CTNNA3: variants seen among roughly 807,000 people sequenced by gnomAD.
CTNNA3 encodes the protein catenin alpha-3.
A neutral mutation model predicts 95.7 loss-of-function variants in CTNNA3; 76 were observed. The observed-to-expected ratio is 0.79, with a 90% CI of 0.66 to 0.96. The LOEUF is 0.96. CTNNA3 is among the 40% of genes least tolerant of loss of function. The pLI is 0.00. For missense variants in CTNNA3, 1,191 were observed against 1,089.8 expected, an observed-to-expected ratio of 1.09 and a Z score of -1.31; for synonymous variants, 431 against 374.4, an observed-to-expected ratio of 1.15 and a Z score of -1.74.
chr10:67,089,044 TG>T (rs897021422), intron 7 of CTNNA3, among the ~76,000 whole-genome samples: 4 of 152,022 alleles, frequency 2.6e-5, no homozygotes, highest in Non-Finnish European at 4.4e-5. Flanking sequence ...TTTAAATATA[TG>T]GGAGGATGTG....
At chr10:67,124,733 CA>C (rs549568757) in intron 7 of CTNNA3, among the ~76,000 whole-genome samples, 124 of 152,308 alleles carry the variant, frequency 8.1e-4, no homozygotes, top group African/African-American at 2.7e-3. Context: ...ATAGCCTATT[CA>C]AAACTTACTT....
chr10:67,750,873 C>G lies in CTNNA3; in HGVS notation c.-2+12561G>C, dbSNP rs1213966014. 3 of 1,610,794 alleles carry G rather than the reference C, an allele frequency of 1.9e-6. No individual in the cohort carries two copies. In the Admixed American group the frequency reaches 5.0e-5, roughly 27 times the overall value. ...CATACCTCACACAGGAGAAACTGAT[C>G]CAGTACTGCCACTCCAAGGGCATCA... On this transcript the variant is annotated intron_variant, in intron 1 of 17. Coordinates refer to the CTNNA3 transcript ENST00000684154.
At chr10:65,935,714 G>A (rs1228379483) in intron 17 of CTNNA3, among the ~76,000 whole-genome samples, 4 of 152,014 alleles carry the variant, frequency 2.6e-5, no homozygotes, top group Non-Finnish European at 5.9e-5. Flanking sequence ...GTGTGTGTGT[G>A]TAATTTTTCT....
At chr10:66,044,188 C>T (rs550409162) in intron 15 of CTNNA3, among the ~76,000 whole-genome samples, 45 of 152,212 alleles carry the variant, frequency 3.0e-4, no homozygotes, top group Admixed American at 6.5e-4. Context: ...GACGGAGTTT[C>T]GCCATGTTTG....
At chr10:66,528,478 G>A (rs1207807702) in intron 10 of CTNNA3, among the ~76,000 whole-genome samples, 1 of 152,130 alleles carries the variant, frequency 6.6e-6, no homozygotes, top group East Asian at 1.9e-4. Context: ...TTAGAAGCTT[G>A]TATTTACAGG....
At chr10:66,672,900 G>T (rs1846715534) in intron 9 of CTNNA3, among the ~76,000 whole-genome samples, 1 of 151,888 alleles carries the variant, frequency 6.6e-6, no homozygotes, top group East Asian at 1.9e-4. Context: ...TATTCTGAGG[G>T]TCTCAGAATT....
intron 1 of CTNNA3, among the ~76,000 whole-genome samples, chr10:67,718,490 T>A (rs1056189199): frequency 6.6e-6 from 1 of 152,210 alleles, no homozygotes; most frequent in African/African-American, 2.4e-5. Flanking sequence ...CATCAATACC[T>A]AGTTTACTGA....
At chr10:67,637,438 C>A (rs1839357297) in intron 2 of CTNNA3, among the ~76,000 whole-genome samples, 1 of 152,238 alleles carries the variant, frequency 6.6e-6, no homozygotes, top group South Asian at 2.1e-4. Flanking sequence ...GGAAAACACT[C>A]TGCAGGATAT....
intron 7 of CTNNA3, among the ~76,000 whole-genome samples, chr10:66,799,670 A>G (rs1841353383): frequency 6.6e-6 from 1 of 151,518 alleles, no homozygotes; most frequent in Non-Finnish European, 1.5e-5. Flanking sequence ...AGGAGAGTGT[A>G]GAGAAAATGA....
intron 9 of CTNNA3, among the ~76,000 whole-genome samples, chr10:66,703,304 C>A (rs1431695779): frequency 6.6e-6 from 1 of 152,126 alleles, no homozygotes. Context: ...CTTCCACACC[C>A]ACACCTCTCT....
chr10:66,760,118 A>C (rs1488060330), intron 9 of CTNNA3, among the ~76,000 whole-genome samples: 1 of 152,098 alleles, frequency 6.6e-6, no homozygotes, highest in Non-Finnish European at 1.5e-5. Flanking sequence ...AATGCAATCT[A>C]TGTTTGTGAG....
chr10:66,892,518 T>G (rs965444094), intron 7 of CTNNA3, among the ~76,000 whole-genome samples: 1 of 147,958 alleles, frequency 6.8e-6, no homozygotes, highest in Non-Finnish European at 1.5e-5. Context: ...TGGACACTTT[T>G]ACAGGGGGCT....
Position 67,746,000 on chromosome 10 carries a change from C to T in CTNNA3, c.-2+17434G>A, listed in dbSNP as rs1841373284. Among the ~76,000 whole-genome samples the T allele has an allele frequency of 2.0e-5, 3 of 152,074 alleles. No individual in the cohort carries two copies. In the South Asian group the frequency reaches 6.2e-4, roughly 32 times the overall value. On this transcript the variant is annotated intron_variant, in intron 1 of 17. Transcript: ENST00000684154. ...ATATCATTAAAATGACAATACTGCA[C>T]CAAGCAATTTACAGATTCAATGCAA... is the stretch of plus-strand genomic sequence containing the variant.
intron 13 of CTNNA3, among the ~76,000 whole-genome samples, chr10:66,243,344 T>A (rs1483218710): frequency 1.3e-5 from 2 of 152,180 alleles, no homozygotes; most frequent in African/African-American, 4.8e-5. Context: ...CCAGGAGAGA[T>A]TAGCTAAGTC....
At chr10:67,744,152 C>T (rs1364839574) in intron 1 of CTNNA3, among the ~76,000 whole-genome samples, 2 of 151,172 alleles carry the variant, frequency 1.3e-5, no homozygotes, top group African/African-American at 2.4e-5. Flanking sequence ...GAAAAAACTA[C>T]CTTAAAGTTC....
chr10:66,391,756 G>GGC (rs2092935349), intron 11 of CTNNA3, among the ~76,000 whole-genome samples: 1 of 151,860 alleles, frequency 6.6e-6, no homozygotes, highest in Non-Finnish European at 1.5e-5. Flanking sequence ...TTTTAAACAA[G>GGC]GCTTATCATT....
At chr10:67,138,687 C>G (rs1423385242) in intron 7 of CTNNA3, among the ~76,000 whole-genome samples, 3 of 152,126 alleles carry the variant, frequency 2.0e-5, no homozygotes, top group Admixed American at 1.3e-4. Context: ...ATGGCAGCTG[C>G]CAGCTTCTCA....
At chr10:67,274,640 C>A (rs528107838) in intron 5 of CTNNA3, among the ~76,000 whole-genome samples, 2 of 152,050 alleles carry the variant, frequency 1.3e-5, no homozygotes, top group Non-Finnish European at 2.9e-5. Flanking sequence ...CCAGCCTGGG[C>A]AATACAGCAA....
chr10:66,328,933 T>TATATATATAC (rs59003281), intron 12 of CTNNA3, among the ~76,000 whole-genome samples: 56 of 115,368 alleles, frequency 4.9e-4, no homozygotes, highest in South Asian at 1.2e-3. Flanking sequence ...TATATATATA[T>TATATATATAC]ACACACACAC....
Sources: allele counts gnomAD v4.1 joint callset (sites outside exome capture counted in the v4.1 genomes callset), GRCh38; gene constraint gnomAD v4.1.1; transcripts MANE v1.5; gene names NCBI Gene and HGNC (gene_info 2026-07-23, HGNC 2026-07-21).